TMEM164: variants seen among roughly 807,000 people sequenced by gnomAD.
TMEM164 encodes the protein RP13-360B22.2.
TMEM164 carries 4 observed loss-of-function variants against 18.8 expected under a neutral mutation model. That is an observed-to-expected ratio of 0.21 (90% CI 0.10 to 0.49). The LOEUF (loss-of-function observed/expected upper bound fraction) is 0.49, where lower values mean the gene tolerates loss of function less well. Ranked by LOEUF, TMEM164 falls within the 20% of genes least tolerant of loss-of-function variation. The probability of loss-of-function intolerance (pLI) is 0.98; values close to 1 mark genes in which losing one functional copy is unlikely to be tolerated. For missense variants in TMEM164, 108 were observed against 239.9 expected (o/e 0.45, Z 3.63); for synonymous variants, 86 against 101.7 (o/e 0.85, Z 0.93).
At chrX:110,046,141 A>G (rs1035412081) in intron 2 of TMEM164, 42 of 752,878 alleles carry the variant, frequency 5.6e-5, no homozygotes, top group Admixed American at 1.7e-4. Flanking sequence ...ATTACGGGGA[A>G]CAGTGGAAAA....
In TMEM164 at chrX:110,136,535, G is replaced by C. The variant is rs189342502; in HGVS notation, c.508-8263G>C. Among the ~76,000 whole-genome samples, 133 of 111,790 alleles carry C rather than the reference G, an allele frequency of 1.2e-3. 1 individual carries two copies. Among genetic ancestry groups the C allele is most frequent in the Non-Finnish European group, 1.9e-3 (100 of 53,110 alleles). On this transcript the variant is annotated intron_variant, in intron 4 of 6. Coordinates refer to ENST00000372068, the MANE Select transcript of TMEM164 (RefSeq NM_032227.4). ...AGGCTGTAGTCTAGGGCTGAGCTGA[G>C]ACCAGGGTTCTGTCTTTGTAACTAC...
chrX:110,055,186 G>A (rs12841904), intron 2 of TMEM164: 155,292 of 300,840 alleles, frequency 0.52, 29,451 homozygotes, highest in Non-Finnish European at 0.62. Context: ...GTGTGCTATG[G>A]CCATGCTATT....
intron 2 of TMEM164, among the ~76,000 whole-genome samples, chrX:110,017,456 C>T (rs866667741): frequency 0.029 from 446 of 15,355 alleles, no homozygotes; most frequent in South Asian, 0.042. Flanking sequence ...CTCTCTCTCT[C>T]TCTCTCTTTC....
At chrX:110,082,063 T>C (rs977874544) in intron 3 of TMEM164, 2 of 112,839 alleles carry the variant, frequency 1.8e-5, no homozygotes, top group African/African-American at 6.5e-5. Flanking sequence ...TGTACCTCAG[T>C]TGACATGTGA....
rs138126617 is a variant in TMEM164 at position 110,119,643 on chromosome X, G to A, written c.507+10497G>A. 6.7e-3 allele frequency among the ~76,000 whole-genome samples: 750 copies of A among 111,504 alleles called. 8 individuals are homozygous for A. The highest frequency in any genetic ancestry group is 0.042 in the South Asian group (112 of 2,645). Reference sequence around the variant, plus strand: ...CTGGCTCTTCTACCTGCAGCTGTGTGACCTTGGGTAAGATACCTAACCTTG... The same window carrying A: ...CTGGCTCTTCTACCTGCAGCTGTGTAACCTTGGGTAAGATACCTAACCTTG... On this transcript the variant is annotated intron_variant, in intron 4 of 6. Transcript: ENST00000372068.
rs764195216 is a variant in TMEM164, at chrX:110,110,519, C to T, written c.507+1373C>T. Among the ~76,000 whole-genome samples the T allele has an allele frequency of 7.1e-5, 8 of 112,306 alleles. No homozygotes were observed. The East Asian group carries it at 2.2e-3, about 31-fold the overall frequency. On this transcript the variant is annotated intron_variant, in intron 4 of 6. Coordinates refer to ENST00000372068, the MANE Select transcript of TMEM164 (RefSeq NM_032227.4). ...ATGAGTTCATGATCTGTGATAAAGCCTGAGCATTGTGTTTTAAAAAGTTCC... is the reference window on the plus strand; with the variant it reads ...ATGAGTTCATGATCTGTGATAAAGCTTGAGCATTGTGTTTTAAAAAGTTCC...
chrX:110,157,789 G>A (rs1406817827), intron 5 of TMEM164, among the ~76,000 whole-genome samples: 1 of 111,959 alleles, frequency 8.9e-6, no homozygotes, highest in African/African-American at 3.3e-5. Flanking sequence ...TTTGGCTTTT[G>A]AACAGTTGAA....
chrX:110,143,023 T>C (rs1013512300), intron 4 of TMEM164, among the ~76,000 whole-genome samples: 2 of 112,237 alleles, frequency 1.8e-5, no homozygotes, highest in Middle Eastern at 4.2e-3. Flanking sequence ...GGCTCCTTGG[T>C]TGGGGAGAGC....
intron 3 of TMEM164, among the ~76,000 whole-genome samples, chrX:110,073,859 G>A (rs1019350582): frequency 4.5e-5 from 5 of 110,819 alleles, no homozygotes; most frequent in African/African-American, 1.6e-4. Flanking sequence ...TGATTGGTGT[G>A]AGATGATATG....
intron 3 of TMEM164, among the ~76,000 whole-genome samples, chrX:110,107,111 A>T (rs1445686342): frequency 8.9e-6 from 1 of 112,582 alleles, no homozygotes; most frequent in Non-Finnish European, 1.9e-5. Flanking sequence ...AAGGAGGCAG[A>T]CAGACTCTTG....
intron 4 of TMEM164, among the ~76,000 whole-genome samples, chrX:110,125,364 TC>T (rs1288177140): frequency 8.9e-6 from 1 of 111,800 alleles, no homozygotes; most frequent in Admixed American, 9.5e-5. Context: ...AAAAAAACTT[TC>T]AAAGTGGCTG....
intron 3 of TMEM164, among the ~76,000 whole-genome samples, chrX:110,095,800 C>T (rs2066007989): frequency 8.9e-6 from 1 of 112,290 alleles, no homozygotes; most frequent in Admixed American, 9.4e-5. Flanking sequence ...GCTCTGGTTT[C>T]TCCCCATCTT....
chrX:110,129,269 G>A (rs1243332429), intron 4 of TMEM164, among the ~76,000 whole-genome samples: 2 of 112,557 alleles, frequency 1.8e-5, no homozygotes, highest in East Asian at 2.8e-4. Flanking sequence ...TTTCCTTATC[G>A]TCCTAGGGGG....
chrX:110,052,739 G>A (rs1289781139), intron 2 of TMEM164, among the ~76,000 whole-genome samples: 1 of 101,600 alleles, frequency 9.8e-6, no homozygotes, highest in Non-Finnish European at 2.0e-5. Flanking sequence ...GCATTTACAT[G>A]CATCTGTTTT....
At chrX:110,112,769 C>T (rs934913670) in intron 4 of TMEM164, among the ~76,000 whole-genome samples, 33 of 111,758 alleles carry the variant, frequency 3.0e-4, no homozygotes, top group African/African-American at 1.1e-3. Flanking sequence ...TCTACACACA[C>T]ATCCCTAGTG....
At chrX:110,113,136 G>C (rs748863623) in intron 4 of TMEM164, among the ~76,000 whole-genome samples, 1 of 111,642 alleles carries the variant, frequency 9.0e-6, no homozygotes, top group Non-Finnish European at 1.9e-5. Context: ...AAATAAATGT[G>C]AGGCTGTAGT....
downstream of TMEM164, among the ~76,000 whole-genome samples, chrX:110,178,594 T>C (rs2067311199): frequency 8.9e-6 from 1 of 112,566 alleles, no homozygotes; most frequent in East Asian, 2.8e-4. Flanking sequence ...TCTCCTCATT[T>C]GCCAGTGTTT....
intron 5 of TMEM164, among the ~76,000 whole-genome samples, chrX:110,149,967 A>G (rs1310208541): frequency 8.9e-6 from 1 of 111,841 alleles, no homozygotes; most frequent in Non-Finnish European, 1.9e-5. Context: ...CAGACTGACC[A>G]CTGGGGTGCC....
intron 4 of TMEM164, among the ~76,000 whole-genome samples, chrX:110,121,198 CAT>C (rs1017773654): frequency 8.9e-6 from 1 of 112,401 alleles, no homozygotes; most frequent in Non-Finnish European, 1.9e-5. Context: ...GTTTAATTGA[CAT>C]ATAATTTACA....
Sources: gnomAD v4.1 joint callset for allele counts (sites outside exome capture counted in the v4.1 genomes callset) on GRCh38, gnomAD v4.1.1 for gene constraint, MANE v1.5 for transcripts, NCBI Gene and HGNC (gene_info 2026-07-23, HGNC 2026-07-21) for gene names.